PTCD2: variants seen among roughly 807,000 people sequenced by gnomAD.
The protein encoded by PTCD2 is pentatricopeptide repeat domain 2.
PTCD2 carries 31 observed loss-of-function variants against 42.6 expected under a neutral mutation model. The ratio of observed to expected loss-of-function variants is 0.73; its 90% CI spans 0.55 to 0.98. PTCD2 has a LOEUF of 0.98. Among genes scored for constraint, PTCD2 ranks in the 50% least tolerant of loss-of-function variants. The pLI is 0.00. For missense variants in PTCD2, 476 were observed against 454.8 expected (o/e 1.05, Z -0.42); for synonymous variants, 183 against 170.9 (o/e 1.07, Z -0.55).
At chr5:72,326,198 C>T (rs1479783016) in intron 2 of PTCD2, among the ~76,000 whole-genome samples, 1 of 152,210 alleles carries the variant, frequency 6.6e-6, no homozygotes, top group African/African-American at 2.4e-5. Flanking sequence ...TGGTTCTCTG[C>T]CAGTTGACGG....
intron 3 of PTCD2, among the ~76,000 whole-genome samples, chr5:72,328,527 G>T (rs1580145120): frequency 6.6e-6 from 1 of 152,206 alleles, no homozygotes; most frequent in Admixed American, 6.5e-5. Context: ...GATGGATGGA[G>T]CCATATGCAC....
At chr5:72,351,081 A>T (rs1177054400) in intron 8 of PTCD2, among the ~76,000 whole-genome samples, 2 of 152,246 alleles carry the variant, frequency 1.3e-5, no homozygotes, top group East Asian at 3.8e-4. Context: ...CAAAAGTAGA[A>T]TCAAATTTTG....
chr5:72,338,773 G>A (rs1362005108), intron 7 of PTCD2, 38 bp downstream of exon 7: 2 of 1,136,820 alleles, frequency 1.8e-6, no homozygotes, highest in East Asian at 4.7e-5. Context: ...ATTGGGAGTG[G>A]CCAGGACTTC....
chr5:72,343,057 T>A, intron 8 of PTCD2, 21 bp downstream of exon 8: 1 of 1,392,660 alleles, frequency 7.2e-7, no homozygotes, highest in South Asian at 1.3e-5. Context: ...TCTTTATGGT[T>A]TAAGGTAAGC....
chr5:72,354,382 GAAAAA>G (rs35170727), intron 9 of PTCD2, among the ~76,000 whole-genome samples: 6 of 29,814 alleles, frequency 2.0e-4, no homozygotes, highest in African/African-American at 3.0e-4. Context: ...GACTCCATCT[GAAAAA>G]AAAAAAAAAA....
Position 72,331,317 on chromosome 5 carries a change from T to C in PTCD2, c.410T>C (p.Val137Ala), listed in dbSNP as rs146967571. 5 of 1,613,874 alleles carry C rather than the reference T, an allele frequency of 3.1e-6. No homozygotes were observed. In the East Asian group the frequency reaches 1.1e-4, roughly 36 times the overall value. Residue 137 changes from valine (V) to alanine (A), a missense_variant, in exon 4 of 10, where the codon GTG becomes GCG. By Grantham distance (64) the Val-to-Ala change is moderately conservative (BLOSUM62 0). Transcript: ENST00000380639. ...LGEYKFGPLF[V>A]RLCYELDLEE... The stretch of plus-strand genomic sequence containing the variant: ...GAGTATAAATTTGGACCGCTTTTTG[T>C]GAGGTTGTGTTACGAGTTGGATCTC...
intron 6 of PTCD2, among the ~76,000 whole-genome samples, chr5:72,337,998 G>T (rs903846953): frequency 1.3e-5 from 2 of 152,138 alleles, no homozygotes; most frequent in East Asian, 1.9e-4. Context: ...TGCAACTCCC[G>T]TTATGACAGA....
intron 3 of PTCD2, among the ~76,000 whole-genome samples, chr5:72,327,523 G>C (rs2112133955): frequency 6.8e-6 from 1 of 146,532 alleles, no homozygotes; most frequent in South Asian, 2.1e-4. Context: ...CCAGGCCAGA[G>C]TACAGTGGCA....
Position 72,358,531 on chromosome 5 carries a change from C to G in PTCD2, c.*104C>G. ...CACTTCAGCAGACAGTGTGCTGACA[C>G]TTGGTCTTCTCCTGAAATTCCCAAA... On this transcript the variant is annotated 3_prime_UTR_variant, in exon 10 of 10. Transcript: ENST00000380639. 1 of 787,714 alleles carries G rather than the reference C, an allele frequency of 1.3e-6. No individual in the cohort carries two copies. Among genetic ancestry groups the G allele is most frequent in the Non-Finnish European group, 2.1e-6 (1 of 477,034 alleles). 48.8% of individuals were successfully genotyped at this position (787,714 alleles called of 1,614,324 possible). A position where few individuals can be genotyped will look rare whatever the true frequency, so the allele number is the denominator to read the frequency against.
intron 3 of PTCD2, 115 bp from the exon 4 acceptor site, chr5:72,331,143 A>T: frequency 5.6e-6 from 4 of 708,810 alleles, no homozygotes; most frequent in Non-Finnish European, 1.0e-5. Flanking sequence ...CCAGACTGTG[A>T]GAGGACTTCG....
In PTCD2 at chr5:72,358,762, G is replaced by T; in HGVS notation, c.*335G>T. 1 of 293,098 alleles carries T rather than the reference G, an allele frequency of 3.4e-6. No homozygotes were observed. Among genetic ancestry groups the T allele is most frequent in the Non-Finnish European group, 6.5e-6 (1 of 154,934 alleles). 18.2% of individuals were successfully genotyped at this position (293,098 alleles called of 1,614,324 possible). On this transcript the variant is annotated 3_prime_UTR_variant, in exon 10 of 10. Coordinates refer to ENST00000380639, the MANE Select transcript of PTCD2 (RefSeq NM_024754.5). Reference sequence around the variant, plus strand: ...CAGGAATGAATTTCACTACAAGTGTGGATAACTCTGATTTTCAAAGGAGTA... The same window carrying T: ...CAGGAATGAATTTCACTACAAGTGTTGATAACTCTGATTTTCAAAGGAGTA...
At chr5:72,353,017 T>C (rs776483410) in intron 9 of PTCD2, among the ~76,000 whole-genome samples, 2 of 152,234 alleles carry the variant, frequency 1.3e-5, no homozygotes, top group Non-Finnish European at 2.9e-5. Context: ...TGGCTCTCTT[T>C]TTCTTCTAGA....
intron 1 of PTCD2, chr5:72,321,511 G>T (rs1208066064): frequency 2.0e-5 from 3 of 152,206 alleles, no homozygotes; most frequent in African/African-American, 7.2e-5. Flanking sequence ...TTGTTACCTT[G>T]TTACTGCAGC....
chr5:72,321,767 C>T lies in PTCD2; in HGVS notation c.128-405C>T, dbSNP rs1750861147. On this transcript the variant is annotated intron_variant, in intron 1 of 9. Transcript: ENST00000380639. ...GCTTTTTCCACTACACTGTGCTTCT[C>T]CCTGGATAAACCAAAACTAAATATG... Among the ~76,000 whole-genome samples, 2 of 152,178 alleles carry T rather than the reference C, an allele frequency of 1.3e-5. 1 individual carries two copies. Among genetic ancestry groups the T allele is most frequent in the South Asian group, 4.1e-4 (2 of 4,834 alleles).
chr5:72,350,735 T>C (rs1027684909), intron 8 of PTCD2, among the ~76,000 whole-genome samples: 5 of 152,324 alleles, frequency 3.3e-5, no homozygotes, highest in Admixed American at 1.3e-4. Flanking sequence ...CCCCTCATCC[T>C]GATAAGTTAC....
chr5:72,335,737 T>C, intron 5 of PTCD2, 57 bp from the exon 6 acceptor site: 3 of 1,127,654 alleles, frequency 2.7e-6, no homozygotes, highest in Non-Finnish European at 4.1e-6. Context: ...GATGAGAGCT[T>C]TGGGGGCCAA....
chr5:72,330,826 A>G (rs1389363481), intron 3 of PTCD2, among the ~76,000 whole-genome samples: 2 of 152,110 alleles, frequency 1.3e-5, no homozygotes, highest in East Asian at 3.9e-4. Flanking sequence ...CTGCCATCCT[A>G]TATGAGGATG....
At chr5:72,330,392 G>A (rs1751383525) in intron 3 of PTCD2, among the ~76,000 whole-genome samples, 1 of 152,092 alleles carries the variant, frequency 6.6e-6, no homozygotes, top group Non-Finnish European at 1.5e-5. Context: ...AAAGTATCCT[G>A]TTTTATCATC....
intron 8 of PTCD2, among the ~76,000 whole-genome samples, chr5:72,346,822 C>T (rs764278100): frequency 1.1e-4 from 16 of 152,162 alleles, no homozygotes; most frequent in Non-Finnish European, 2.1e-4. Context: ...TAGCAAGATA[C>T]TCTTCCACTA....
Sources: allele counts gnomAD v4.1 joint callset (sites outside exome capture counted in the v4.1 genomes callset), GRCh38; gene constraint gnomAD v4.1.1; transcripts MANE v1.5; gene names NCBI Gene and HGNC (gene_info 2026-07-23, HGNC 2026-07-21).